ATAD3B: variants seen among roughly 807,000 people sequenced by gnomAD.
ATAD3B encodes ATPase family AAA domain containing 3B, also known as ATPase family AAA domain-containing protein 3B.
ATAD3B carries 59 observed loss-of-function variants against 70.2 expected under a neutral mutation model. The ratio of observed to expected loss-of-function variants is 0.84; its 90% CI spans 0.68 to 1.04. The LOEUF is 1.04. ATAD3B is among the 50% of genes least tolerant of loss of function. The probability of loss-of-function intolerance (pLI) is 0.00; values close to 1 mark genes in which losing one functional copy is unlikely to be tolerated. For synonymous variants in ATAD3B, 423 were observed against 388.6 expected, an observed-to-expected ratio of 1.09 and a Z score of -1.04; for missense variants, 961 against 913.4, an observed-to-expected ratio of 1.05 and a Z score of -0.67.
At chr1:1,488,651 C>G (rs918199812) in intron 12 of ATAD3B, among the ~76,000 whole-genome samples, 2 of 151,840 alleles carry the variant, frequency 1.3e-5, no homozygotes, top group Admixed American at 1.3e-4. Flanking sequence ...CCCAGCTGCT[C>G]AGGATGCTGA....
intron 8 of ATAD3B, 26 bp downstream of exon 8, chr1:1,485,197 T>C: frequency 1.2e-6 from 2 of 1,607,288 alleles, no homozygotes; most frequent in Admixed American, 1.7e-5. Context: ...TGGCCCTCCC[T>C]GAGTGCAGTT....
chr1:1,474,131 C>T (rs949878760), intron 1 of ATAD3B, among the ~76,000 whole-genome samples: 6 of 151,910 alleles, frequency 3.9e-5, no homozygotes, highest in Admixed American at 2.6e-4. Flanking sequence ...GCCGTCCAAC[C>T]GTCTCAGCCT....
downstream of ATAD3B, among the ~76,000 whole-genome samples, chr1:1,499,960 C>T (rs560080505): frequency 6.2e-4 from 92 of 149,086 alleles, no homozygotes; most frequent in South Asian, 1.7e-3. Context: ...TCCAGTGGCA[C>T]GATCTTGTCT....
chr1:1,508,070 G>C, the ATAD3B span, among the ~76,000 whole-genome samples: 1 of 152,182 alleles, frequency 6.6e-6, no homozygotes, highest in Non-Finnish European at 1.5e-5. Flanking sequence ...TCCTCTGCTG[G>C]GCCCTGGGTG....
At chr1:1,477,409 AT>A in intron 2 of ATAD3B, 59 bp downstream of exon 2, 1 of 1,608,458 alleles carries the variant, frequency 6.2e-7, no homozygotes, top group Non-Finnish European at 8.5e-7. Context: ...AGGCGTGGAG[AT>A]TGGTGGGGCT....
chr1:1,486,195 T>G lies in ATAD3B; in HGVS notation c.1049T>G (p.Leu350Arg). The change falls in exon 10 of 16, where the codon CTG becomes CGG. Residue 350 changes from leucine to arginine, a missense_variant. Coordinates refer to ENST00000673477, the MANE Select transcript of ATAD3B (RefSeq NM_031921.6). Reference protein sequence around the residue: ...KNRGLYRHILLYGPPGTGKTL... With the variant: ...KNRGLYRHILRYGPPGTGKTL... ...CGGGGCCTGTACAGGCACATCCTGC[T>G]GTATGGGCCACCAGGCACCGGGAAG... The G allele has an allele frequency of 6.2e-7, 1 of 1,613,120 alleles. No individual in the cohort carries two copies.
chr1:1,490,402 A>G lies in ATAD3B; in HGVS notation c.1483A>G (p.Lys495Glu). The G allele has an allele frequency of 6.2e-7, 1 of 1,613,402 alleles. No individual in the cohort carries two copies. The highest frequency in any genetic ancestry group is 1.1e-5 in the South Asian group (1 of 91,018). Residue 495 changes from lysine (K) to glutamate (E), a missense_variant, in exon 14 of 16, where the codon AAG becomes GAG. Lys to Glu is a moderately conservative substitution (Grantham distance 56, BLOSUM62 1). Transcript: ENST00000673477. ...ACTGCATTTTGACAACTGTGTTCTTAAGCCGGCCACAGAAGGAAAACGGTG... is the reference window on the plus strand; with the variant it reads ...ACTGCATTTTGACAACTGTGTTCTTGAGCCGGCCACAGAAGGAAAACGGTG... ...VRLHFDNCVL[K>E]PATEGKRRLK...
downstream of ATAD3B, among the ~76,000 whole-genome samples, chr1:1,501,723 C>G (rs1270944511): frequency 6.6e-6 from 1 of 152,032 alleles, no homozygotes; most frequent in Non-Finnish European, 1.5e-5. Context: ...CTGTTAGTTA[C>G]TCATTGTCTT....
chr1:1,482,603 G>A lies in ATAD3B; in HGVS notation c.739G>A (p.Val247Met), dbSNP rs150433717. ...FRAFVTDRDK[V>M]TATVAGLTLL... is the part of the protein sequence containing the mutation. Reference sequence around the variant, plus strand: ...TGCCTTTGTGACAGACCGGGACAAAGTGACAGCCACGGTAAACATATTCAT... The same window carrying A: ...TGCCTTTGTGACAGACCGGGACAAAATGACAGCCACGGTAAACATATTCAT... The change falls in exon 7 of 16, where the codon GTG (valine) becomes ATG (methionine). Residue 247 changes from valine (V) to methionine (M), a missense_variant. Coordinates refer to ENST00000673477, the MANE Select transcript of ATAD3B (RefSeq NM_031921.6). 32 of 1,613,256 alleles carry A rather than the reference G, an allele frequency of 2.0e-5. No individual in the cohort carries two copies. In the African/African-American group the frequency reaches 4.0e-4, roughly 20 times the overall value.
At chr1:1,482,979 CGA>C in intron 7 of ATAD3B, 4 of 471,314 alleles carry the variant, frequency 8.5e-6, no homozygotes, top group South Asian at 6.2e-5. Context: ...CCATTCTTGG[CGA>C]GAGAATAAGA....
rs1168308947 is a variant in ATAD3B, at chr1:1,492,934, A to G, written c.1614+2263A>G. 3.0e-5 allele frequency among the ~76,000 whole-genome samples: 4 copies of G among 134,432 alleles called. 1 individual carries two copies. The highest frequency in any genetic ancestry group is 4.5e-5 in the Non-Finnish European group (3 of 67,182). 88.2% of individuals were successfully genotyped at this position (134,432 alleles called of 152,430 possible). The stretch of plus-strand genomic sequence containing the variant: ...ATCCTGGGTGTCAGAGCGATACTCC[A>G]TCTCCAAAAAAAAAAAAAAGAAAGA... On this transcript the variant is annotated intron_variant, in intron 15 of 15. Coordinates refer to ENST00000673477, the MANE Select transcript of ATAD3B (RefSeq NM_031921.6).
At chr1:1,502,104 C>G (rs186280743), downstream of ATAD3B, among the ~76,000 whole-genome samples, 481 of 152,118 alleles carry the variant, frequency 3.2e-3, 2 homozygotes, top group African/African-American at 0.011. Context: ...GTCTTGAACT[C>G]CTGACCTCAG....
At chr1:1,509,342 C>A in the ATAD3B span, 1 of 1,611,264 alleles carries the variant, frequency 6.2e-7, no homozygotes. Flanking sequence ...ACGAGCAACC[C>A]TCATCCTGAG....
At chr1:1,479,802 C>T (rs747220539) in intron 4 of ATAD3B, among the ~76,000 whole-genome samples, 1 of 142,270 alleles carries the variant, frequency 7.0e-6, no homozygotes, top group East Asian at 2.2e-4. Flanking sequence ...CACGTGGGCC[C>T]GCTCACACAG....
intron 2 of ATAD3B, among the ~76,000 whole-genome samples, chr1:1,477,677 TTTTTATTTTATTTTATTTTA>T (rs199892482): frequency 2.7e-5 from 4 of 147,876 alleles, no homozygotes; most frequent in Admixed American, 6.7e-5. Context: ...TCAGCAGGAT[TTTTTATTTTATTTTATTTTA>T]TTTTATTTTA....
At chr1:1,499,121 G>A (rs991005841), downstream of ATAD3B, among the ~76,000 whole-genome samples, 3 of 151,770 alleles carry the variant, frequency 2.0e-5, no homozygotes, top group African/African-American at 4.9e-5. Context: ...ACAGGTGCCC[G>A]CCACCACGCC....
At chr1:1,472,915 C>T (rs1639402835) in intron 1 of ATAD3B, among the ~76,000 whole-genome samples, 1 of 150,048 alleles carries the variant, frequency 6.7e-6, no homozygotes, top group Non-Finnish European at 1.5e-5. Context: ...CTCCCTGCAA[C>T]CTCCGCCTCC....
intron 2 of ATAD3B, chr1:1,478,396 G>C (rs1557794528): frequency 6.7e-7 from 1 of 1,485,140 alleles, no homozygotes. Flanking sequence ...TTGTGGGGTG[G>C]GGTTGGTGTC....
intron 7 of ATAD3B, chr1:1,482,973 T>G (rs1227912194): frequency 8.4e-6 from 4 of 474,696 alleles, no homozygotes; most frequent in African/African-American, 3.9e-5. Flanking sequence ...TGCACTCCAT[T>G]CTTGGCGAGA....
Sources: allele counts gnomAD v4.1 joint callset (sites outside exome capture counted in the v4.1 genomes callset), GRCh38; gene constraint gnomAD v4.1.1; transcripts MANE v1.5; gene names NCBI Gene and HGNC (gene_info 2026-07-23, HGNC 2026-07-21).